The following PPP1R16A variants were observed in gnomAD, a reference collection of about 807,000 sequenced individuals.
The protein encoded by PPP1R16A is myosin phosphatase-targeting subunit 3.
In PPP1R16A, 39 loss-of-function variants were observed where a neutral mutation model predicts 46.6. The observed-to-expected ratio is 0.84, with a 90% CI of 0.65 to 1.09. The LOEUF is 1.09. Ranked by LOEUF, PPP1R16A falls within the 50% of genes least tolerant of loss-of-function variation. The pLI is 0.00. For synonymous variants in PPP1R16A, 413 were observed against 321.5 expected (o/e 1.28, Z -3.04); for missense variants, 798 against 735.6 (o/e 1.08, Z -0.98).
At chr8:144,499,169 C>T in intron 5 of PPP1R16A, 108 bp downstream of exon 5, 3 of 1,360,340 alleles carry the variant, frequency 2.2e-6, no homozygotes, top group Admixed American at 2.6e-5. Context: ...GTGTTCCCGC[C>T]TTCACCTTTG....
chr8:144,499,804 C>A, intron 5 of PPP1R16A: 1 of 397,660 alleles, frequency 2.5e-6, no homozygotes, highest in Admixed American at 3.8e-5. Context: ...GCTCCCTGCT[C>A]CCCAGCAGGC....
chr8:144,492,036 C>A (rs1198740592), intron 2 of PPP1R16A, among the ~76,000 whole-genome samples: 1 of 152,168 alleles, frequency 6.6e-6, no homozygotes, highest in Admixed American at 6.5e-5. Flanking sequence ...CTATTAAAGC[C>A]CCCAGAGCCA....
Position 144,493,699 on chromosome 8 carries a change from C to A in PPP1R16A, c.-734-2762C>A, listed in dbSNP as rs1825911550. On this transcript the variant is annotated intron_variant, in intron 2 of 11. Transcript: ENST00000435887. This position sits in a 1 kb window ranked among gnomAD's most constrained non-coding sequence, Gnocchi z 4.3. ...CTGGGGGGAGGTGGGCACTGGGACA[C>A]CCCCTGGCACCCACTCTTGGGGGGC... Among the ~76,000 whole-genome samples the A allele has an allele frequency of 6.6e-6, 1 of 152,076 alleles. No homozygotes were observed. Among genetic ancestry groups the A allele is most frequent in the East Asian group, 1.9e-4 (1 of 5,200 alleles).
chr8:144,493,606 G>A lies in PPP1R16A; in HGVS notation c.-734-2855G>A, dbSNP rs1353523183. Among the ~76,000 whole-genome samples the A allele has an allele frequency of 2.0e-5, 3 of 152,032 alleles. No homozygotes were observed. The highest frequency in any genetic ancestry group is 2.9e-5 in the Non-Finnish European group (2 of 67,962). ...CCTCAGCCCACTGCCGTGGGCCTTC[G>A]GCTGGCTGCTTCCTTCTGAGGGTGA... On this transcript the variant is annotated intron_variant, in intron 2 of 11. Transcript: ENST00000435887. This position sits in a 1 kb window ranked among gnomAD's most constrained non-coding sequence, Gnocchi z 4.3.
chr8:144,480,168 T>C (rs1456445835), intron 1 of PPP1R16A, among the ~76,000 whole-genome samples: 1 of 152,230 alleles, frequency 6.6e-6, no homozygotes, highest in Non-Finnish European at 1.5e-5. Context: ...GTGGAAGAAC[T>C]TTCCAGACAG....
chr8:144,497,054 A>T lies in PPP1R16A; in HGVS notation c.-141A>T. The T allele has an allele frequency of 1.7e-6, 2 of 1,173,496 alleles. No homozygotes were observed. Among genetic ancestry groups the T allele is most frequent in the Non-Finnish European group, 2.4e-6 (2 of 835,450 alleles). The allele number at this position is 1,173,496 out of a possible 1,614,324, so 72.7% of individuals were successfully genotyped here. On this transcript the variant is annotated 5_prime_UTR_variant, in exon 3 of 12. Transcript: ENST00000435887. ...GTTATTGTGTGGGGCCTCCTGACCC[A>T]GCCAAGGGCACGAAGCTCTGGGAAG...
intron 1 of PPP1R16A, among the ~76,000 whole-genome samples, chr8:144,482,058 G>A (rs1825452147): frequency 6.6e-6 from 1 of 151,654 alleles, no homozygotes; most frequent in Non-Finnish European, 1.5e-5. Flanking sequence ...TTACCAGTGT[G>A]AGCCACTGTG....
intron 1 of PPP1R16A, among the ~76,000 whole-genome samples, chr8:144,481,790 T>G (rs940828341): frequency 3.3e-5 from 5 of 152,338 alleles, no homozygotes; most frequent in Admixed American, 1.3e-4. Context: ...TCTTTTTTGT[T>G]TTTTTGAGAC....
At chr8:144,492,816 TTTTC>T (rs1402219866) in intron 2 of PPP1R16A, among the ~76,000 whole-genome samples, 1 of 152,150 alleles carries the variant, frequency 6.6e-6, no homozygotes, top group African/African-American at 2.4e-5. Flanking sequence ...CTTTCCTCTC[TTTTC>T]TTTCTTTGAA....
intron 11 of PPP1R16A, 71 bp from the exon 12 acceptor site, chr8:144,501,449 T>C (rs1464253212): frequency 6.7e-7 from 1 of 1,484,076 alleles, no homozygotes; most frequent in East Asian, 2.5e-5. Flanking sequence ...TTCATGACCA[T>C]ACAGCCTGAA....
At chr8:144,500,050 G>C in intron 5 of PPP1R16A, 46 bp from the exon 6 acceptor site, 2 of 1,557,776 alleles carry the variant, frequency 1.3e-6, no homozygotes, top group Non-Finnish European at 1.7e-6. Flanking sequence ...AGCCTGGCAA[G>C]CGGGGAAGGG....
chr8:144,501,140 G>A lies in PPP1R16A; in HGVS notation c.1049G>A (p.Arg350Lys). 3.7e-6 allele frequency: 6 copies of A among 1,610,972 alleles called. No homozygotes were observed. Among genetic ancestry groups the A allele is most frequent in the Non-Finnish European group, 5.1e-6 (6 of 1,179,648 alleles). The change falls in exon 11 of 12, where the codon AGG becomes AAG. Residue 350 changes from arginine (R) to lysine (K), a missense_variant. Transcript: ENST00000435887. Reference sequence around the variant, plus strand: ...TCTCTCCTCCCCAGGAAGGTGGTGAGGCGGGTGAGCCTAACCCAGCGCACC... The same window carrying A: ...TCTCTCCTCCCCAGGAAGGTGGTGAAGCGGGTGAGCCTAACCCAGCGCACC... ...SSAGSRGKVV[R>K]RVSLTQRTDL...
chr8:144,480,895 G>T (rs1485976102), intron 1 of PPP1R16A, among the ~76,000 whole-genome samples: 32 of 146,540 alleles, frequency 2.2e-4, no homozygotes, highest in Admixed American at 5.5e-4. Flanking sequence ...TGTTTGATGG[G>T]TTTTTTTTTT....
intron 1 of PPP1R16A, among the ~76,000 whole-genome samples, chr8:144,484,628 G>A (rs1384336474): frequency 6.6e-6 from 1 of 152,236 alleles, no homozygotes; most frequent in Non-Finnish European, 1.5e-5. Context: ...AAGCCAGGTG[G>A]CAAGGGGAAA....
intron 2 of PPP1R16A, among the ~76,000 whole-genome samples, chr8:144,494,534 C>T (rs572088544): frequency 6.6e-6 from 1 of 151,952 alleles, no homozygotes; most frequent in Non-Finnish European, 1.5e-5. Flanking sequence ...CCTTGAACTC[C>T]TGGGTTCAAG....
In PPP1R16A at chr8:144,500,123, C is replaced by T; in HGVS notation, c.504C>T (p.Thr168=). ...GCGCCAATCTCCTGGCGGTCAACAC[C>T]GACGGGAACATGCCCTATGACCTGT... ...ASGANLLAVN[T]DGNMPYDLCD... Residue 168 remains threonine (T), a synonymous_variant, in exon 6 of 12, where the codon ACC becomes ACT. Coordinates refer to ENST00000435887, the MANE Select transcript of PPP1R16A (RefSeq NM_001329443.2). 3 of 1,611,612 alleles carry T rather than the reference C, an allele frequency of 1.9e-6. No homozygotes were observed. The highest frequency in any genetic ancestry group is 2.5e-6 in the Non-Finnish European group (3 of 1,179,072).
At chr8:144,484,279 A>G (rs1316830420) in intron 1 of PPP1R16A, among the ~76,000 whole-genome samples, 2 of 152,182 alleles carry the variant, frequency 1.3e-5, no homozygotes, top group Non-Finnish European at 2.9e-5. Flanking sequence ...TCTGAAGCTC[A>G]CTTTTGTGAT....
At position 144,500,602 on chromosome 8, in the gene PPP1R16A, A is replaced by G; in HGVS notation, c.821A>G (p.Tyr274Cys). 1.2e-6 allele frequency: 2 copies of G among 1,600,826 alleles called. No individual in the cohort carries two copies. Among genetic ancestry groups the G allele is most frequent in the South Asian group, 1.1e-5 (1 of 90,918 alleles). Residue 274 changes from tyrosine (Y) to cysteine (C), a missense_variant, in exon 8 of 12, where the codon TAC becomes TGC. Tyr to Cys is a radical substitution (Grantham distance 194, BLOSUM62 -2). Transcript: ENST00000435887. ...TGGGAGCCGCTGCACGCCGCGGCCT[A>G]CTGGGGCCAGGTGAGTGCGGGCGGG... ...DGWEPLHAAAYWGQVPLVELL... is the reference protein window; with the variant it reads ...DGWEPLHAAACWGQVPLVELL...
chr8:144,491,012 C>T (rs375304331), intron 2 of PPP1R16A, among the ~76,000 whole-genome samples: 125 of 152,006 alleles, frequency 8.2e-4, no homozygotes, highest in African/African-American at 2.8e-3. Context: ...TGAGCTGTGA[C>T]GGCAGCACTG....
Sources: allele counts gnomAD v4.1 joint callset (sites outside exome capture counted in the v4.1 genomes callset), GRCh38; gene constraint gnomAD v4.1.1; non-coding constraint Gnocchi (gnomAD v3.1); transcripts MANE v1.5; gene names NCBI Gene and HGNC (gene_info 2026-07-23, HGNC 2026-07-21).